The following NET1 variants were observed in gnomAD, a reference collection of about 807,000 sequenced individuals.
NET1 encodes neuroepithelial cell-transforming gene 1 protein.
Under a neutral mutation model 61.1 loss-of-function variants are expected in NET1, and 42 were observed. The observed-to-expected ratio is 0.69, with a 90% CI of 0.54 to 0.89. The LOEUF is 0.89. Ranked by LOEUF, NET1 falls within the 40% of genes least tolerant of loss-of-function variation. The pLI is 0.00. For synonymous variants in NET1, 254 were observed against 281.8 expected (o/e 0.90, Z 0.99); for missense variants, 654 against 747.3 (o/e 0.88, Z 1.46).
Position 5,446,098 on chromosome 10 carries a change from C to T in NET1, c.256-5732C>T, listed in dbSNP as rs1234222574. 6.6e-6 allele frequency among the ~76,000 whole-genome samples: 1 copy of T among 152,146 alleles called. No homozygotes were observed. Among genetic ancestry groups the T allele is most frequent in the Non-Finnish European group, 1.5e-5 (1 of 68,020 alleles). ...TTCTGGAAGAGAGGTAACAGAAGTG[C>T]ACCTGCTGTATTTACCCTGCTAGTC... On this transcript the variant is annotated intron_variant, in intron 3 of 11. Coordinates refer to ENST00000355029, the MANE Select transcript of NET1 (RefSeq NM_001047160.3). The surrounding 1 kb of genome is among the most constrained non-coding windows in gnomAD (Gnocchi z 5.0).
At chr10:5,413,001 AGGTGAGTGGGG>A (rs1274739178) in intron 1 of NET1, among the ~76,000 whole-genome samples, 181 bp downstream of exon 1, 1 of 33,042 alleles carries the variant, frequency 3.0e-5, no homozygotes, top group Non-Finnish European at 5.7e-5. Flanking sequence ...GGCCGCTGGG[AGGTGAGTGGGG>A]GGTGGGGGAG....
rs986931888 is a variant in NET1 at position 5,453,427 on chromosome 10, C to T, written c.692-57C>T. 1.3e-5 allele frequency: 20 copies of T among 1,587,390 alleles called. No individual in the cohort carries two copies. The Admixed American group carries it at 2.8e-4, about 23-fold the overall frequency. On this transcript the variant is annotated intron_variant, in intron 7 of 11. Transcript: ENST00000355029. This position sits in a 1 kb window ranked among gnomAD's most constrained non-coding sequence, Gnocchi z 4.9. ...TTCAGTCTAAACTTCTAATGTAGTG[C>T]TGACCTATTTTTTAAATAAACCTGT...
Position 5,449,919 on chromosome 10 carries a change from A to G in NET1, c.256-1911A>G, listed in dbSNP as rs1297748718. ...CCTCTGTTCCCAAAAAGCGGAACAGAACTTTCTGACAACTGCTTTGTTCCA... is the reference window on the plus strand; with the variant it reads ...CCTCTGTTCCCAAAAAGCGGAACAGGACTTTCTGACAACTGCTTTGTTCCA... On this transcript the variant is annotated intron_variant, in intron 3 of 11. Coordinates refer to ENST00000355029, the MANE Select transcript of NET1 (RefSeq NM_001047160.3). The surrounding 1 kb of genome is among the most constrained non-coding windows in gnomAD (Gnocchi z 4.4). Among the ~76,000 whole-genome samples, 1 of 152,246 alleles carries G rather than the reference A, an allele frequency of 6.6e-6. No individual in the cohort carries two copies. Among genetic ancestry groups the G allele is most frequent in the African/African-American group, 2.4e-5 (1 of 41,462 alleles).
In NET1 at chr10:5,412,889, G is replaced by A; in HGVS notation, c.128+69G>A. 1.7e-6 allele frequency: 2 copies of A among 1,189,712 alleles called. No individual in the cohort carries two copies. The highest frequency in any genetic ancestry group is 3.2e-4 in the Middle Eastern group (1 of 3,090). 73.7% of individuals were successfully genotyped at this position (1,189,712 alleles called of 1,614,324 possible). A position where few individuals can be genotyped will look rare whatever the true frequency, so the allele number is the denominator to read the frequency against. ...GGGAGCGGAGGGCCGAACGGGAGGT[G>A]AGTGTTGGAGAGGCAAGGGCCGGGG... On this transcript the variant is annotated intron_variant, in intron 1 of 11. Transcript: ENST00000355029. The surrounding 1 kb of genome is among the most constrained non-coding windows in gnomAD (Gnocchi z 6.5).
In NET1 at chr10:5,447,915, T is replaced by G. The variant is rs1447179145; in HGVS notation, c.256-3915T>G. Among the ~76,000 whole-genome samples the G allele has an allele frequency of 6.6e-6, 1 of 152,234 alleles. No individual in the cohort carries two copies. Among genetic ancestry groups the G allele is most frequent in the East Asian group, 1.9e-4 (1 of 5,202 alleles). ...TGGGCCCATAGAAGCTGGCCTTTGT[T>G]TAGTATCAGCATGGGCTGTGTTTCT... On this transcript the variant is annotated intron_variant, in intron 3 of 11. Coordinates refer to ENST00000355029, the MANE Select transcript of NET1 (RefSeq NM_001047160.3). This position sits in a 1 kb window ranked among gnomAD's most constrained non-coding sequence, Gnocchi z 4.1.
rs2119217231 is a variant in NET1 at position 5,455,398 on chromosome 10, T to C, written c.1197+280T>C. On this transcript the variant is annotated intron_variant, in intron 10 of 11. Coordinates refer to ENST00000355029, the MANE Select transcript of NET1 (RefSeq NM_001047160.3). The surrounding 1 kb of genome is among the most constrained non-coding windows in gnomAD (Gnocchi z 6.5). The stretch of plus-strand genomic sequence containing the variant: ...AATACAGTATTAGTTCCATAATGCT[T>C]AATAAAAAAGCATCCTTCAAAAAAA... Among the ~76,000 whole-genome samples, 1 of 152,264 alleles carries C rather than the reference T, an allele frequency of 6.6e-6. No individual in the cohort carries two copies. The highest frequency in any genetic ancestry group is 3.4e-3 in the Middle Eastern group (1 of 294).
At position 5,453,180 on chromosome 10, in the gene NET1, G is replaced by A; in HGVS notation, c.595-70G>A. ...AGCTTTTATGTAATTAATTCTCTTT[G>A]TTTCCAAGTATAGATCCCTCATGTT... On this transcript the variant is annotated intron_variant, in intron 6 of 11. Transcript: ENST00000355029. The surrounding 1 kb of genome is among the most constrained non-coding windows in gnomAD (Gnocchi z 4.9). The A allele has an allele frequency of 1.1e-6, 1 of 921,778 alleles. No individual in the cohort carries two copies. The allele number at this position is 921,778 out of a possible 1,614,324, so 57.1% of individuals were successfully genotyped here. A position where few individuals can be genotyped will look rare whatever the true frequency, so the allele number is the denominator to read the frequency against.
rs1007563717 is a variant in NET1, at chr10:5,426,379, C to T, written c.129-276C>T. ...TATATGTATGTTCCTAAGGTAAACTCTGTTGAGTTTGGCAAATTACTTTTT... is the reference window on the plus strand; with the variant it reads ...TATATGTATGTTCCTAAGGTAAACTTTGTTGAGTTTGGCAAATTACTTTTT... On this transcript the variant is annotated intron_variant, in intron 1 of 11. Transcript: ENST00000355029. The surrounding 1 kb of genome is among the most constrained non-coding windows in gnomAD (Gnocchi z 4.6). Among the ~76,000 whole-genome samples the T allele has an allele frequency of 3.3e-5, 5 of 152,088 alleles. No homozygotes were observed. The highest frequency in any genetic ancestry group is 7.4e-5 in the Non-Finnish European group (5 of 68,010).
intron 1 of NET1, among the ~76,000 whole-genome samples, chr10:5,414,978 C>A (rs1832054680): frequency 6.6e-6 from 1 of 152,108 alleles, no homozygotes; most frequent in Non-Finnish European, 1.5e-5. Context: ...GAGAGTGAGA[C>A]ACAGTTAGAA....
chr10:5,423,538 T>C lies in NET1; in HGVS notation c.129-3117T>C, dbSNP rs1382857641. Among the ~76,000 whole-genome samples the C allele has an allele frequency of 6.6e-6, 1 of 152,178 alleles. No homozygotes were observed. The highest frequency in any genetic ancestry group is 1.5e-5 in the Non-Finnish European group (1 of 68,010). On this transcript the variant is annotated intron_variant, in intron 1 of 11. Coordinates refer to ENST00000355029, the MANE Select transcript of NET1 (RefSeq NM_001047160.3). The surrounding 1 kb of genome is among the most constrained non-coding windows in gnomAD (Gnocchi z 4.4). ...GGGAACTTAATTTAATACACTAAGCTAATTCCTTAATGTATTAGTTTATTT... is the reference window on the plus strand; with the variant it reads ...GGGAACTTAATTTAATACACTAAGCCAATTCCTTAATGTATTAGTTTATTT...
At position 5,455,163 on chromosome 10, in the gene NET1, C is replaced by G. The variant is rs1832776541; in HGVS notation, c.1197+45C>G. On this transcript the variant is annotated intron_variant, in intron 10 of 11. Coordinates refer to ENST00000355029, the MANE Select transcript of NET1 (RefSeq NM_001047160.3). The surrounding 1 kb of genome is among the most constrained non-coding windows in gnomAD (Gnocchi z 6.5). ...GTGGCAGAGCAGCCTTCCCTCCTGC[C>G]TCTTTAACTTTTACACGTTTGTTAT... is the stretch of plus-strand genomic sequence containing the variant. The G allele has an allele frequency of 6.3e-6, 10 of 1,585,100 alleles. No individual in the cohort carries two copies. In the East Asian group the frequency reaches 9.0e-5, roughly 14 times the overall value.
rs138397277 is a variant in NET1, at chr10:5,456,974, C to T, written c.1771C>T (p.Arg591Trp). Residue 591 changes from arginine to tryptophan, a missense_variant, in exon 12 of 12, where the codon CGG becomes TGG. Coordinates refer to ENST00000355029, the MANE Select transcript of NET1 (RefSeq NM_001047160.3). This position sits in a 1 kb window ranked among gnomAD's most constrained non-coding sequence, Gnocchi z 7.0. ...ARDKALSGGKRKETLV is the reference protein window; with the variant it reads ...ARDKALSGGKWKETLV Reference sequence around the variant, plus strand: ...GGACAAAGCCCTTTCTGGTGGCAAACGGAAAGAGACTTTGGTGTAGAGAAG... The same window carrying T: ...GGACAAAGCCCTTTCTGGTGGCAAATGGAAAGAGACTTTGGTGTAGAGAAG... The T allele has an allele frequency of 2.0e-5, 31 of 1,563,656 alleles. No homozygotes were observed. Among genetic ancestry groups the T allele is most frequent in the African/African-American group, 6.8e-5 (5 of 73,068 alleles).
Position 5,429,151 on chromosome 10 carries a change from A to G in NET1, c.196-19A>G. 3 of 1,567,370 alleles carry G rather than the reference A, an allele frequency of 1.9e-6. No homozygotes were observed. The highest frequency in any genetic ancestry group is 2.6e-6 in the Non-Finnish European group (3 of 1,141,792). On this transcript the variant is annotated intron_variant, in intron 2 of 11. Transcript: ENST00000355029. The stretch of plus-strand genomic sequence containing the variant: ...TGCATTCCTTTTATATGAGAATGAA[A>G]TCTCTATTTTTCTTTTAGAAAAGAA...
rs1298841247 is a variant in NET1 at position 5,446,514 on chromosome 10, T to G, written c.256-5316T>G. 9.2e-7 allele frequency: 1 copy of G among 1,083,508 alleles called. No homozygotes were observed. Among genetic ancestry groups the G allele is most frequent in the Non-Finnish European group, 1.1e-6 (1 of 888,612 alleles). The allele number at this position is 1,083,508 out of a possible 1,614,324, so 67.1% of individuals were successfully genotyped here. On this transcript the variant is annotated intron_variant, in intron 3 of 11. Coordinates refer to ENST00000355029, the MANE Select transcript of NET1 (RefSeq NM_001047160.3). This position sits in a 1 kb window ranked among gnomAD's most constrained non-coding sequence, Gnocchi z 5.0. The stretch of plus-strand genomic sequence containing the variant: ...TAGGTGTGCCCAGCTCTCAGTTAAC[T>G]GAAGTCACGTGGTGGTGGACCCCGC...
chr10:5,412,776 G>T lies in NET1; in HGVS notation c.84G>T (p.Ala28=). 1 of 1,463,724 alleles carries T rather than the reference G, an allele frequency of 6.8e-7. No homozygotes were observed. 90.7% of individuals were successfully genotyped at this position (1,463,724 alleles called of 1,614,324 possible). A position where few individuals can be genotyped will look rare whatever the true frequency, so the allele number is the denominator to read the frequency against. The stretch of plus-strand genomic sequence containing the variant: ...CCTCTGGGCTCAGCACGGAGGGAGC[G>T]ACGGGGCCTTCGGCCGACACCTCCG... ...RRASGLSTEG[A]TGPSADTSGS... is the part of the protein sequence containing the mutation. The change falls in exon 1 of 12, where the codon GCG becomes GCT. Residue 28 remains alanine (A), a synonymous_variant. Transcript: ENST00000355029. The surrounding 1 kb of genome is among the most constrained non-coding windows in gnomAD (Gnocchi z 6.5).
rs1262449917 is a variant in NET1 at position 5,431,568 on chromosome 10, C to T, written c.255+2339C>T. 6.6e-6 allele frequency among the ~76,000 whole-genome samples: 1 copy of T among 151,856 alleles called. No individual in the cohort carries two copies. The highest frequency in any genetic ancestry group is 1.5e-5 in the Non-Finnish European group (1 of 67,972). ...ATACATCTGTAAAGAGAAAATTCAC[C>T]TTGTCGGCCATTTGATTACTCTGAA... On this transcript the variant is annotated intron_variant, in intron 3 of 11. Transcript: ENST00000355029. The surrounding 1 kb of genome is among the most constrained non-coding windows in gnomAD (Gnocchi z 4.9).
At position 5,416,891 on chromosome 10, in the gene NET1, G is replaced by A. The variant is rs1047536422; in HGVS notation, c.128+4071G>A. 3.3e-5 allele frequency among the ~76,000 whole-genome samples: 5 copies of A among 152,154 alleles called. No homozygotes were observed. The highest frequency in any genetic ancestry group is 3.9e-4 in the East Asian group (2 of 5,182). ...ACTCTTAGTTTAGCCATCCGTAGGC[G>A]GCTTGTATTCATCAGCTCAGTTAGA... On this transcript the variant is annotated intron_variant, in intron 1 of 11. Transcript: ENST00000355029. The surrounding 1 kb of genome is among the most constrained non-coding windows in gnomAD (Gnocchi z 6.1).
rs889017107 is a variant in NET1 at position 5,422,292 on chromosome 10, G to C, written c.129-4363G>C. Among the ~76,000 whole-genome samples the C allele has an allele frequency of 1.5e-4, 22 of 151,430 alleles. No individual in the cohort carries two copies. Among genetic ancestry groups the C allele is most frequent in the African/African-American group, 1.2e-4 (5 of 41,132 alleles). ...GCGGAGGTTGTAGTGAGCCGAGATCGTACCACTGCACTCCAGCCTGGGTGA... is the reference window on the plus strand; with the variant it reads ...GCGGAGGTTGTAGTGAGCCGAGATCCTACCACTGCACTCCAGCCTGGGTGA... On this transcript the variant is annotated intron_variant, in intron 1 of 11. Transcript: ENST00000355029. The surrounding 1 kb of genome is among the most constrained non-coding windows in gnomAD (Gnocchi z 4.1).
rs1421066098 is a variant in NET1 at position 5,458,092 on chromosome 10, AG to A, written c.*1102del. ...CGTGTAGTAAGTTGTAGAAGGCTCG[AG>A]GGGACGTGGACTTATTTGCCTTGGT... On this transcript the variant is annotated 3_prime_UTR_variant, in exon 12 of 12. Transcript: ENST00000355029. The surrounding 1 kb of genome is among the most constrained non-coding windows in gnomAD (Gnocchi z 4.5). 3 of 152,194 alleles carry A rather than the reference AG, an allele frequency of 2.0e-5. No homozygotes were observed. The highest frequency in any genetic ancestry group is 7.2e-5 in the African/African-American group (3 of 41,446). The allele number at this position is 152,194 out of a possible 1,614,324, so 9.4% of individuals were successfully genotyped here. A position where few individuals can be genotyped will look rare whatever the true frequency, so the allele number is the denominator to read the frequency against.
Sources: allele counts gnomAD v4.1 joint callset (sites outside exome capture counted in the v4.1 genomes callset), GRCh38; gene constraint gnomAD v4.1.1; non-coding constraint Gnocchi (gnomAD v3.1); transcripts MANE v1.5; gene names NCBI Gene and HGNC (gene_info 2026-07-23, HGNC 2026-07-21).